The following GON4L variants were observed in gnomAD, a reference collection of about 807,000 sequenced individuals.
GON4L encodes the protein gon-4 like.
A neutral mutation model predicts 211.8 loss-of-function variants in GON4L; 87 were observed. The ratio of observed to expected loss-of-function variants is 0.41; its 90% CI spans 0.35 to 0.49. The LOEUF (loss-of-function observed/expected upper bound fraction) is 0.49. Among genes scored for constraint, GON4L ranks in the 20% least tolerant of loss-of-function variants. The pLI, the probability that GON4L is intolerant of heterozygous loss-of-function variation, is 0.15. For synonymous variants in GON4L, 875 were observed against 962.6 expected (o/e 0.91, Z 1.68); for missense variants, 2,155 against 2,659.5 (o/e 0.81, Z 4.17).
intron 10 of GON4L, among the ~76,000 whole-genome samples, chr1:155,812,078 C>A (rs534624540): frequency 3.9e-5 from 6 of 151,904 alleles, no homozygotes; most frequent in South Asian, 4.2e-4. Context: ...GAAAGGAATT[C>A]GGCTTTGAAG....
intron 12 of GON4L, among the ~76,000 whole-genome samples, chr1:155,788,034 C>T (rs12061759): frequency 0.021 from 3,233 of 152,218 alleles, 104 homozygotes; most frequent in African/African-American, 0.071. Flanking sequence ...CTCTGTTGCC[C>T]AGGCTGGAGC....
At chr1:155,819,221 T>A (rs1459221341) in intron 6 of GON4L, among the ~76,000 whole-genome samples, 2 of 151,730 alleles carry the variant, frequency 1.3e-5, no homozygotes, top group African/African-American at 4.8e-5. Context: ...GAGAATCACT[T>A]GAGCTTGGGA....
intron 31 of GON4L, 94 bp from the exon 32 acceptor site, chr1:155,750,827 T>G: frequency 8.2e-7 from 1 of 1,225,068 alleles, no homozygotes; most frequent in Admixed American, 2.0e-5. Flanking sequence ...GCAGTGGCAC[T>G]GTGTCAGCTT....
intron 2 of GON4L, among the ~76,000 whole-genome samples, chr1:155,832,360 C>T (rs985671894): frequency 2.6e-5 from 4 of 151,146 alleles, no homozygotes; most frequent in Admixed American, 1.3e-4. Flanking sequence ...CGGCAAGGTG[C>T]GCCTAGCGCA....
intron 18 of GON4L, among the ~76,000 whole-genome samples, chr1:155,771,481 A>AT (rs1663183923): frequency 6.6e-6 from 1 of 150,468 alleles, no homozygotes; most frequent in Non-Finnish European, 1.5e-5. Context: ...CTACCTTTTC[A>AT]TTTTTTTTCA....
intron 2 of GON4L, among the ~76,000 whole-genome samples, chr1:155,836,675 G>A (rs1027572698): frequency 5.3e-5 from 8 of 152,138 alleles, no homozygotes; most frequent in Admixed American, 4.6e-4. Flanking sequence ...CCATCATCTG[G>A]GTGCCCCAGA....
At chr1:155,778,392 T>C (rs1488843733) in intron 14 of GON4L, among the ~76,000 whole-genome samples, 5 of 152,248 alleles carry the variant, frequency 3.3e-5, no homozygotes, top group South Asian at 4.1e-4. Flanking sequence ...GCTGGGACTA[T>C]AGGCACGTGC....
chr1:155,775,334 C>G (rs1337606965), intron 16 of GON4L, among the ~76,000 whole-genome samples, 161 bp from the exon 17 acceptor site: 1 of 152,108 alleles, frequency 6.6e-6, no homozygotes, highest in Non-Finnish European at 1.5e-5. Context: ...TAAGATTATG[C>G]CTGAGTTCCC....
chr1:155,846,089 T>C (rs769766458), intron 2 of GON4L: 1 of 227,626 alleles, frequency 4.4e-6, no homozygotes, highest in Non-Finnish European at 9.9e-6. Flanking sequence ...CATTAGCCTA[T>C]AGGAGTTTGT....
intron 10 of GON4L, 109 bp downstream of exon 10, chr1:155,813,525 C>T (rs1667971696): frequency 1.2e-6 from 1 of 831,222 alleles, no homozygotes; most frequent in Non-Finnish European, 2.0e-6. Context: ...CAAAGACTAA[C>T]TCTTACTTAT....
At chr1:155,748,544 G>C, downstream of GON4L, 3 of 1,613,892 alleles carry the variant, frequency 1.9e-6, no homozygotes, top group Non-Finnish European at 2.5e-6. Context: ...ATGAAGCTTT[G>C]TGAGGGGTTG....
chr1:155,799,827 T>A (rs1403527500), intron 11 of GON4L, among the ~76,000 whole-genome samples: 1 of 152,236 alleles, frequency 6.6e-6, no homozygotes, highest in Non-Finnish European at 1.5e-5. Context: ...CCAAAGCTGC[T>A]GCTACCAATA....
At chr1:155,803,329 T>C (rs1379062910) in intron 11 of GON4L, among the ~76,000 whole-genome samples, 1 of 151,896 alleles carries the variant, frequency 6.6e-6, no homozygotes. Context: ...GCTACAACCT[T>C]CGCCTGCCAG....
At chr1:155,762,832 T>C (rs528260079) in intron 22 of GON4L, among the ~76,000 whole-genome samples, 1 of 152,196 alleles carries the variant, frequency 6.6e-6, no homozygotes, top group East Asian at 1.9e-4. Context: ...GGTTAGGAGT[T>C]CGATACCAGC....
At chr1:155,846,949 G>A (rs1039085671) in intron 2 of GON4L, among the ~76,000 whole-genome samples, 2 of 152,112 alleles carry the variant, frequency 1.3e-5, no homozygotes, top group African/African-American at 2.4e-5. Flanking sequence ...AGGGGCCATT[G>A]AGGTTGTGCC....
chr1:155,752,233 ACATGTCTTCTCC>A lies in GON4L; in HGVS notation c.6188_6199del (p.Gly2063_His2066del). The A allele has an allele frequency of 5.0e-6, 8 of 1,613,078 alleles. No homozygotes were observed. Among genetic ancestry groups the A allele is most frequent in the Non-Finnish European group, 6.8e-6 (8 of 1,179,272 alleles). On this transcript the variant is annotated inframe_deletion, in exon 30 of 32. Transcript: ENST00000368331. ...CTCTTGAGTGTCTGGTTTCCCGGAC[ACATGTCTTCTCC>A]CTGCATCTCTGGTCTTTGAGGAAAC...
chr1:155,745,805 G>A (rs757084847), downstream of GON4L: 10 of 605,700 alleles, frequency 1.7e-5, no homozygotes, highest in African/African-American at 1.5e-4. Flanking sequence ...GCTGAGGCGC[G>A]GCGGCCCCGT....
At position 155,765,082 on chromosome 1, in the gene GON4L, T is replaced by C. The variant is rs372320021; in HGVS notation, c.4391A>G (p.Asp1464Gly). Residue 1464 changes from aspartate to glycine, a missense_variant, in exon 21 of 32, where the codon GAC becomes GGC. Around this residue, in one of 6 missense-constraint regions of GON4L, gnomAD observed 615 missense variants for 625.7 expected, o/e 0.98. Transcript: ENST00000368331. Reference protein sequence around the residue: ...KNGPEEEEEEDFDDLTQDEED... With the variant: ...KNGPEEEEEEGFDDLTQDEED... ...CTCATCTTGGGTGAGGTCATCAAAG[T>C]CCTCTTCTTCCTCTTCTTCTGGCCC... 1 of 1,614,134 alleles carries C rather than the reference T, an allele frequency of 6.2e-7. No individual in the cohort carries two copies. Among genetic ancestry groups the C allele is most frequent in the Non-Finnish European group, 8.5e-7 (1 of 1,180,018 alleles).
Position 155,751,621 on chromosome 1 carries a change from C to T in GON4L, c.6576+146G>A, listed in dbSNP as rs1660595897. On this transcript the variant is annotated intron_variant, in intron 31 of 31. Transcript: ENST00000368331. ...TTTCTCTTCTAGAACCACTACCACC[C>T]TGATGAGTCAAGCCTTTCCTTAGAT... 4.7e-6 allele frequency: 3 copies of T among 637,846 alleles called. No individual in the cohort carries two copies. The South Asian group carries it at 5.6e-5, about 12-fold the overall frequency. 39.5% of individuals were successfully genotyped at this position (637,846 alleles called of 1,614,324 possible).
Sources: gnomAD v4.1 joint callset for allele counts (sites outside exome capture counted in the v4.1 genomes callset) on GRCh38, gnomAD v4.1.1 for gene constraint, gnomAD v4.1.1 regional missense constraint, MANE v1.5 for transcripts, NCBI Gene and HGNC (gene_info 2026-07-23, HGNC 2026-07-21) for gene names.